PDCD11: variants seen among roughly 807,000 people sequenced by gnomAD.
PDCD11 encodes programmed cell death 11, also known as protein RRP5 homolog.
A neutral mutation model predicts 198.9 loss-of-function variants in PDCD11; 97 were observed. That is an observed-to-expected ratio of 0.49 (90% confidence interval 0.41 to 0.58). The LOEUF is 0.58. Among genes scored for constraint, PDCD11 ranks in the 20% least tolerant of loss-of-function variants. The pLI is 0.00. For missense variants in PDCD11, 2,102 were observed against 2,312.7 expected, an observed-to-expected ratio of 0.91 and a Z score of 1.87; for synonymous variants, 893 against 918.0, an observed-to-expected ratio of 0.97 and a Z score of 0.49.
chr10:103,436,185 C>T (rs2032147258), intron 25 of PDCD11, among the ~76,000 whole-genome samples: 1 of 152,142 alleles, frequency 6.6e-6, no homozygotes, highest in South Asian at 2.1e-4. Flanking sequence ...ACTGCAACCT[C>T]TGCCTCCTGG....
In PDCD11 at chr10:103,406,704, G is replaced by A. The variant is rs748942593; in HGVS notation, c.784G>A (p.Val262Ile). Residue 262 changes from valine to isoleucine, a missense_variant, in exon 7 of 36, where the codon GTT (valine) becomes ATT (isoleucine). By Grantham distance (29) the Val-to-Ile change is conservative (BLOSUM62 3). Transcript: ENST00000369797. ...TAGTCTGTCTGTTGGTCACTCAGAG[G>A]TTTCTACGGCCATTGCTACTGAACA... Reference protein sequence around the residue: ...VVSLSVGHSEVSTAIATEQQS... With the variant: ...VVSLSVGHSEISTAIATEQQS... 14 of 1,614,148 alleles carry A rather than the reference G, an allele frequency of 8.7e-6. 1 individual carries two copies. In the South Asian group the frequency reaches 1.4e-4, roughly 16 times the overall value.
At chr10:103,438,159 G>A (rs1406121316) in intron 26 of PDCD11, 88 bp downstream of exon 26, 5 of 1,039,362 alleles carry the variant, frequency 4.8e-6, no homozygotes, top group Non-Finnish European at 6.0e-6. Context: ...AGAATTTTGG[G>A]CTTCCCACCT....
chr10:103,434,439 C>G (rs926722336), intron 24 of PDCD11, 89 bp downstream of exon 24: 1 of 839,138 alleles, frequency 1.2e-6, no homozygotes, highest in Admixed American at 1.9e-5. Context: ...GTTGGAGGAC[C>G]CCTTCGGTAT....
In PDCD11 at chr10:103,427,986, C is replaced by T. The variant is rs565264192; in HGVS notation, c.3368+595C>T. 6.4e-4 allele frequency among the ~76,000 whole-genome samples: 98 copies of T among 152,224 alleles called. 1 individual carries two copies. Among genetic ancestry groups the T allele is most frequent in the Middle Eastern group, 6.8e-3 (2 of 294 alleles). Reference sequence around the variant, plus strand: ...AGCCAGGTTGTAAATCTTAATGCACCTAGAGATTTACAGAACGGTCTCCAA... The same window carrying T: ...AGCCAGGTTGTAAATCTTAATGCACTTAGAGATTTACAGAACGGTCTCCAA... On this transcript the variant is annotated intron_variant, in intron 21 of 35. Transcript: ENST00000369797.
chr10:103,422,863 G>A, intron 17 of PDCD11, 125 bp from the exon 18 acceptor site: 1 of 911,988 alleles, frequency 1.1e-6, no homozygotes, highest in East Asian at 3.1e-5. Flanking sequence ...TGCAAAAAGT[G>A]ATTTTACCTT....
At chr10:103,434,543 A>G in intron 24 of PDCD11, 193 bp downstream of exon 24, 1 of 599,742 alleles carries the variant, frequency 1.7e-6, no homozygotes, top group East Asian at 2.8e-5. Flanking sequence ...TCTCTGAGTT[A>G]CCTTTACCTA....
At position 103,444,601 on chromosome 10, in the gene PDCD11, T is replaced by C; in HGVS notation, c.5363T>C (p.Leu1788Pro). Residue 1788 changes from leucine (L) to proline (P), a missense_variant, in exon 35 of 36, where the codon CTG (leucine) becomes CCG (proline). Leu to Pro is a moderately conservative substitution (Grantham distance 98). Transcript: ENST00000369797. ...ERAKAIFENTLSTYPKRTDVW... is the reference protein window; with the variant it reads ...ERAKAIFENTPSTYPKRTDVW... Reference sequence around the variant, plus strand: ...GCCAAAGCCATTTTTGAGAACACGCTGAGCACCTACCCAAAGCGCACAGAT... The same window carrying C: ...GCCAAAGCCATTTTTGAGAACACGCCGAGCACCTACCCAAAGCGCACAGAT... 1 of 1,614,212 alleles carries C rather than the reference T, an allele frequency of 6.2e-7. No homozygotes were observed.
At chr10:103,427,217 A>T (rs2031733475) in intron 20 of PDCD11, 112 bp from the exon 21 acceptor site, 1 of 879,060 alleles carries the variant, frequency 1.1e-6, no homozygotes. Flanking sequence ...GTGACAGTGG[A>T]ACAGGGTGCT....
chr10:103,432,739 G>C (rs1191855624), intron 22 of PDCD11, among the ~76,000 whole-genome samples: 1 of 152,142 alleles, frequency 6.6e-6, no homozygotes, highest in Non-Finnish European at 1.5e-5. Flanking sequence ...ATTCCTCTTC[G>C]ATGAGCATCT....
intron 25 of PDCD11, 50 bp from the exon 26 acceptor site, chr10:103,437,965 T>C (rs778038452): frequency 1.3e-6 from 2 of 1,510,052 alleles, no homozygotes; most frequent in African/African-American, 1.4e-5. Flanking sequence ...CCCTTTGCTG[T>C]TCACAGATGC....
chr10:103,418,509 C>T lies in PDCD11; in HGVS notation c.1981C>T (p.Arg661Cys), dbSNP rs761396082. ...GGTGGCTGTCCTGCCCCACAACATC[C>T]GTGCTTTCCTCCCCACATCTCATCT... ...LEVAVLPHNI[R>C]AFLPTSHLSD... Residue 661 changes from arginine (R) to cysteine (C), a missense_variant, in exon 15 of 36, where the codon CGT (arginine) becomes TGT (cysteine). Physicochemically the swap from Arg to Cys is radical, Grantham distance 180 (BLOSUM62 -3). Transcript: ENST00000369797. 2.6e-5 allele frequency: 42 copies of T among 1,614,038 alleles called. No individual in the cohort carries two copies. The highest frequency in any genetic ancestry group is 1.6e-4 in the Middle Eastern group (1 of 6,084).
At chr10:103,414,226 C>A in intron 10 of PDCD11, 44 bp from the exon 11 acceptor site, 1 of 1,594,638 alleles carries the variant, frequency 6.3e-7, no homozygotes, top group Non-Finnish European at 8.6e-7. Context: ...TTTAGGCAAC[C>A]TCTGCCCTAG....
At chr10:103,421,915 C>T (rs1224634383) in intron 17 of PDCD11, among the ~76,000 whole-genome samples, 4 of 136,606 alleles carry the variant, frequency 2.9e-5, no homozygotes, top group African/African-American at 8.5e-5. Context: ...TGCAGTGAGC[C>T]GAGATTGCGT....
chr10:103,407,558 G>A (rs1316878036), intron 7 of PDCD11, among the ~76,000 whole-genome samples: 5 of 151,900 alleles, frequency 3.3e-5, no homozygotes, highest in African/African-American at 4.8e-5. Flanking sequence ...GCGAGACTCC[G>A]TCTCAAACAA....
rs1217051825 is a variant in PDCD11, at chr10:103,445,782, C to T, written c.*233C>T. ...TATCTTTTTCCTTATCTGAGGCTAC[C>T]TGGGGATTGTGGGCAGCAGGCCCCT... is the stretch of plus-strand genomic sequence containing the variant. On this transcript the variant is annotated 3_prime_UTR_variant, in exon 36 of 36. Transcript: ENST00000369797. 2 of 471,650 alleles carry T rather than the reference C, an allele frequency of 4.2e-6. No individual in the cohort carries two copies. The highest frequency in any genetic ancestry group is 3.9e-5 in the African/African-American group (2 of 51,522). 29.2% of individuals were successfully genotyped at this position (471,650 alleles called of 1,614,324 possible).
At chr10:103,428,518 A>G (rs2031796020) in intron 21 of PDCD11, among the ~76,000 whole-genome samples, 1 of 152,134 alleles carries the variant, frequency 6.6e-6, no homozygotes, top group Admixed American at 6.6e-5. Flanking sequence ...AAAATGAAGA[A>G]ACCTCTTCAT....
chr10:103,425,364 T>C lies in PDCD11; in HGVS notation c.3144T>C (p.Pro1048=), dbSNP rs1287839251. The C allele has an allele frequency of 2.4e-5, 39 of 1,614,066 alleles. No homozygotes were observed. In the Admixed American group the frequency reaches 6.5e-4, roughly 27 times the overall value. ...CAGGGACTGTCAAGTCCATTAAGCC[T>C]ACCCATGTGGTTGTGACTCTGGAAG... ...MVTGTVKSIK[P]THVVVTLEDG... The change falls in exon 20 of 36, where the codon CCT becomes CCC. Residue 1048 remains proline, a synonymous_variant. Transcript: ENST00000369797.
intron 3 of PDCD11, among the ~76,000 whole-genome samples, chr10:103,401,998 T>TC (rs2030106316): frequency 6.6e-6 from 1 of 152,280 alleles, no homozygotes; most frequent in Non-Finnish European, 1.5e-5. Context: ...CGCCTCCGCC[T>TC]CCCAAAGTGC....
At chr10:103,419,926 A>G (rs1362846518) in intron 16 of PDCD11, among the ~76,000 whole-genome samples, 1 of 138,546 alleles carries the variant, frequency 7.2e-6, no homozygotes, top group African/African-American at 2.7e-5. Flanking sequence ...AGTAGCTGGG[A>G]TTACAGGTGC....
Sources: gnomAD v4.1 joint callset for allele counts (sites outside exome capture counted in the v4.1 genomes callset) on GRCh38, gnomAD v4.1.1 for gene constraint, MANE v1.5 for transcripts, NCBI Gene and HGNC (gene_info 2026-07-23, HGNC 2026-07-21) for gene names.